The following WWP1 variants were observed in gnomAD, a reference collection of about 807,000 sequenced individuals.
WWP1 encodes the protein WW domain containing E3 ubiquitin protein ligase 1.
In WWP1, 49 loss-of-function variants were observed where a neutral mutation model predicts 130.6. The observed-to-expected ratio is 0.38, with a 90% CI of 0.30 to 0.48. The LOEUF (loss-of-function observed/expected upper bound fraction) is 0.48, where lower values mean the gene tolerates loss of function less well. Among genes scored for constraint, WWP1 ranks in the 20% least tolerant of loss-of-function variants. The probability of loss-of-function intolerance (pLI) is 0.99; values close to 1 mark genes in which losing one functional copy is unlikely to be tolerated. For synonymous variants in WWP1, 332 were observed against 367.8 expected, an observed-to-expected ratio of 0.90 and a Z score of 1.11; for missense variants, 809 against 1,100.6, an observed-to-expected ratio of 0.74 and a Z score of 3.75.
At chr8:86,457,792 C>A in intron 21 of WWP1, 129 bp from the exon 22 acceptor site, 3 of 643,954 alleles carry the variant, frequency 4.7e-6, no homozygotes, top group East Asian at 5.7e-5. Flanking sequence ...TTATTGTGAT[C>A]ATTATATGCC....
chr8:86,355,776 C>A (rs370725819), intron 1 of WWP1, among the ~76,000 whole-genome samples: 1 of 152,132 alleles, frequency 6.6e-6, no homozygotes, highest in African/African-American at 2.4e-5. Context: ...GCTTAACAGC[C>A]CACAAAACCA....
intron 1 of WWP1, among the ~76,000 whole-genome samples, chr8:86,352,256 T>C (rs1255542047): frequency 1.3e-5 from 2 of 151,926 alleles, no homozygotes; most frequent in Non-Finnish European, 2.9e-5. Flanking sequence ...AGACAGAGTC[T>C]TACTGTCACC....
intron 16 of WWP1, among the ~76,000 whole-genome samples, chr8:86,437,741 AAGAGTCAGTTAACACAT>A (rs1393451937): frequency 7.2e-5 from 11 of 152,188 alleles, no homozygotes; most frequent in Non-Finnish European, 1.0e-4. Flanking sequence ...CAATAACGTA[AAGAGTCAGTTAACACAT>A]AGAGTCAGTT....
At chr8:86,391,053 C>T (rs1807306686) in intron 5 of WWP1, among the ~76,000 whole-genome samples, 1 of 151,860 alleles carries the variant, frequency 6.6e-6, no homozygotes, top group Non-Finnish European at 1.5e-5. Flanking sequence ...TGTGTTATTA[C>T]AGCCATAAAT....
chr8:86,390,502 G>A (rs1044676500), intron 5 of WWP1, among the ~76,000 whole-genome samples: 17 of 152,176 alleles, frequency 1.1e-4, no homozygotes, highest in Non-Finnish European at 2.2e-4. Flanking sequence ...AGACCAGCCC[G>A]TCCAACACGG....
intron 1 of WWP1, among the ~76,000 whole-genome samples, chr8:86,355,474 C>T (rs1001239257): frequency 6.6e-6 from 1 of 152,122 alleles, no homozygotes; most frequent in African/African-American, 2.4e-5. Context: ...GGAAAAAAGT[C>T]GTTAAGCAAA....
intron 1 of WWP1, among the ~76,000 whole-genome samples, chr8:86,353,855 A>C (rs1823098486): frequency 6.6e-6 from 1 of 152,162 alleles, no homozygotes; most frequent in African/African-American, 2.4e-5. Context: ...AACAACAGCC[A>C]TCTCTTTTTG....
At chr8:86,408,651 T>TA (rs1808411661) in intron 8 of WWP1, among the ~76,000 whole-genome samples, 2 of 152,238 alleles carry the variant, frequency 1.3e-5, no homozygotes, top group Non-Finnish European at 2.9e-5. Flanking sequence ...TGCAGTGGCT[T>TA]ACGCCTGTAA....
At chr8:86,432,540 A>T (rs1038537005) in intron 14 of WWP1, among the ~76,000 whole-genome samples, 31 of 90,822 alleles carry the variant, frequency 3.4e-4, no homozygotes, top group Admixed American at 1.4e-3. Flanking sequence ...TCCTAGATAT[A>T]AAAAAAAAGC....
chr8:86,382,703 C>T (rs1421983830), intron 5 of WWP1, among the ~76,000 whole-genome samples: 3 of 151,702 alleles, frequency 2.0e-5, no homozygotes, highest in Admixed American at 1.3e-4. Context: ...CCATCTCAAA[C>T]CCGCAAAAAA....
chr8:86,465,177 G>A (rs536948984), intron 24 of WWP1, among the ~76,000 whole-genome samples: 14 of 152,256 alleles, frequency 9.2e-5, no homozygotes, highest in African/African-American at 3.4e-4. Flanking sequence ...TGCTCACTTG[G>A]ATTAGAGCAT....
chr8:86,420,273 GAACGTTT>G (rs533531986), intron 9 of WWP1, among the ~76,000 whole-genome samples: 56 of 152,316 alleles, frequency 3.7e-4, no homozygotes, highest in African/African-American at 1.1e-3. Context: ...TAATGAGCTT[GAACGTTT>G]TAAGAGGAGA....
intron 22 of WWP1, among the ~76,000 whole-genome samples, chr8:86,460,679 T>G (rs1811709956): frequency 6.6e-6 from 1 of 151,758 alleles, no homozygotes; most frequent in Non-Finnish European, 1.5e-5. Context: ...GTAATAATAG[T>G]GGCCAGCCTC....
intron 20 of WWP1, among the ~76,000 whole-genome samples, chr8:86,450,481 C>T (rs1431081284): frequency 1.3e-5 from 2 of 152,072 alleles, no homozygotes. Flanking sequence ...AAAATAAGTA[C>T]CACAATCTAA....
At chr8:86,404,185 T>C (rs966056226) in intron 8 of WWP1, among the ~76,000 whole-genome samples, 1 of 152,188 alleles carries the variant, frequency 6.6e-6, no homozygotes, top group African/African-American at 2.4e-5. Flanking sequence ...GCAAGTAAAA[T>C]GCACATATTC....
chr8:86,397,057 G>A (rs540612338), intron 5 of WWP1, among the ~76,000 whole-genome samples: 41 of 152,260 alleles, frequency 2.7e-4, no homozygotes, highest in African/African-American at 9.4e-4. Context: ...GTGATTAGTA[G>A]TTCTAGATTT....
intron 17 of WWP1, among the ~76,000 whole-genome samples, chr8:86,440,475 T>C (rs955042511): frequency 1.3e-5 from 2 of 152,186 alleles, no homozygotes; most frequent in African/African-American, 4.8e-5. Flanking sequence ...TACTCAGACA[T>C]TGCTTTACTG....
rs1810425003 is a variant in WWP1, at chr8:86,438,611, G to A, written c.1776G>A (p.Leu592=). ...QQIMALKPYD[L]RRRLYVIFRG... ...TTATGGCATTAAAACCCTATGACTT[G>A]AGGAGGCGCTTATATGTAATATTTA... The change falls in exon 17 of 25, where the codon TTG becomes TTA. Residue 592 remains leucine, a synonymous_variant. Coordinates refer to ENST00000517970, the MANE Select transcript of WWP1 (RefSeq NM_007013.4). The A allele has an allele frequency of 2.5e-6, 4 of 1,607,976 alleles. No individual in the cohort carries two copies. Among genetic ancestry groups the A allele is most frequent in the Non-Finnish European group, 3.4e-6 (4 of 1,178,460 alleles).
intron 5 of WWP1, among the ~76,000 whole-genome samples, chr8:86,382,054 C>T (rs147341548): frequency 3.7e-4 from 56 of 152,040 alleles, no homozygotes; most frequent in African/African-American, 1.3e-3. Context: ...AGAAGATAGA[C>T]AATTATAGAG....
Sources: gnomAD v4.1 joint callset for allele counts (sites outside exome capture counted in the v4.1 genomes callset) on GRCh38, gnomAD v4.1.1 for gene constraint, MANE v1.5 for transcripts, NCBI Gene and HGNC (gene_info 2026-07-23, HGNC 2026-07-21) for gene names.